The following EDARADD variants were observed in gnomAD, a reference collection of about 807,000 sequenced individuals.
EDARADD encodes the protein ectodysplasin-A receptor-associated adapter protein.
A neutral mutation model predicts 25.6 loss-of-function variants in EDARADD; 20 were observed. The ratio of observed to expected loss-of-function variants is 0.78; its 90% CI spans 0.55 to 1.14. The LOEUF (loss-of-function observed/expected upper bound fraction) is 1.14. Ranked by LOEUF, EDARADD falls within the 50% of genes most tolerant of loss-of-function variation. The probability of loss-of-function intolerance (pLI) is 0.00; values close to 1 mark genes in which losing one functional copy is unlikely to be tolerated. For missense variants in EDARADD, 225 were observed against 270.1 expected, an observed-to-expected ratio of 0.83 and a Z score of 1.17; for synonymous variants, 86 against 94.4, an observed-to-expected ratio of 0.91 and a Z score of 0.52.
intron 3 of EDARADD, among the ~76,000 whole-genome samples, chr1:236,377,663 T>A (rs1354022217): frequency 6.6e-6 from 1 of 150,982 alleles, no homozygotes; most frequent in Non-Finnish European, 1.5e-5. Flanking sequence ...ATCGAGACCA[T>A]CCTGGCCAAC....
chr1:236,474,992 G>A (rs1659463403), intron 5 of EDARADD, among the ~76,000 whole-genome samples: 1 of 152,128 alleles, frequency 6.6e-6, no homozygotes, highest in Non-Finnish European at 1.5e-5. Context: ...AATTAGCCAG[G>A]TGTGGTGGCA....
intron 4 of EDARADD, among the ~76,000 whole-genome samples, chr1:236,462,855 C>T (rs1231657260): frequency 1.3e-5 from 2 of 152,170 alleles, no homozygotes; most frequent in South Asian, 2.1e-4. Flanking sequence ...GAATATAAAA[C>T]ATAGGTGTTC....
chr1:236,464,485 T>C (rs1385406690), intron 4 of EDARADD, among the ~76,000 whole-genome samples: 1 of 133,812 alleles, frequency 7.5e-6, no homozygotes, highest in Admixed American at 9.0e-5. Flanking sequence ...CAGGCTGGAG[T>C]GCAGTGGTGT....
intron 3 of EDARADD, among the ~76,000 whole-genome samples, chr1:236,363,006 A>AAAATAT (rs1377112051): frequency 2.3e-5 from 1 of 42,948 alleles, no homozygotes; most frequent in Non-Finnish European, 3.8e-5. Context: ...AAAAAAAAAA[A>AAAATAT]ATATATATAT....
intron 2 of EDARADD, among the ~76,000 whole-genome samples, chr1:236,410,745 A>G (rs1018035471): frequency 6.6e-6 from 1 of 152,242 alleles, no homozygotes; most frequent in Admixed American, 6.5e-5. Context: ...ACAGCGACAC[A>G]GAATACACTT....
rs1422827481 is a variant in EDARADD at position 236,431,781 on chromosome 1, C to T, written c.219+4331C>T. ...CTAAAAATACAAAAAATTAGCCGGG[C>T]GCGGTGGCGGGCGCCTGTAGTCCCA... On this transcript the variant is annotated intron_variant, in intron 4 of 5. Transcript: ENST00000334232. Among the ~76,000 whole-genome samples the T allele has an allele frequency of 4.8e-5, 5 of 103,950 alleles. 2 individuals carry two copies. The East Asian group carries it at 6.6e-4, about 14-fold the overall frequency. 68.2% of individuals were successfully genotyped at this position (103,950 alleles called of 152,430 possible).
At chr1:236,414,486 C>A (rs2103010448) in intron 3 of EDARADD, among the ~76,000 whole-genome samples, 187 bp downstream of exon 3, 1 of 152,200 alleles carries the variant, frequency 6.6e-6, no homozygotes, top group South Asian at 2.1e-4. Context: ...ATCTTTTAAC[C>A]TTGCAATAGA....
In EDARADD at chr1:236,482,776, C is replaced by A; in HGVS notation, c.*127C>A. ...TGGAACAGTGGACACTGGTTTTCCC[C>A]AAAGCTGGCAGTTTTGTGGAGGGGT... On this transcript the variant is annotated 3_prime_UTR_variant, in exon 6 of 6. Coordinates refer to ENST00000334232, the MANE Select transcript of EDARADD (RefSeq NM_145861.4). 7.0e-7 allele frequency: 1 copy of A among 1,421,496 alleles called. No homozygotes were observed. The highest frequency in any genetic ancestry group is 9.7e-7 in the Non-Finnish European group (1 of 1,035,008). 88.1% of individuals were successfully genotyped at this position (1,421,496 alleles called of 1,614,324 possible).
At chr1:236,405,808 CT>C (rs1667710057) in intron 1 of EDARADD, among the ~76,000 whole-genome samples, 1 of 125,608 alleles carries the variant, frequency 8.0e-6, no homozygotes, top group Non-Finnish European at 1.6e-5. Context: ...TTCTTTCTTT[CT>C]TTCCTTCCTT....
In EDARADD at chr1:236,484,289, G is replaced by A. The variant is rs1571965416; in HGVS notation, c.*1640G>A. On this transcript the variant is annotated 3_prime_UTR_variant, in exon 6 of 6. Coordinates refer to ENST00000334232, the MANE Select transcript of EDARADD (RefSeq NM_145861.4). The surrounding 1 kb of genome is among the most constrained non-coding windows in gnomAD (Gnocchi z 4.1). ...TCATGGTGCCTCATCATTCTGGGGA[G>A]ACTGAAAATACCTTCATCACTGACC... is the stretch of plus-strand genomic sequence containing the variant. 3 of 1,041,892 alleles carry A rather than the reference G, an allele frequency of 2.9e-6. No homozygotes were observed. The highest frequency in any genetic ancestry group is 4.6e-6 in the Non-Finnish European group (3 of 659,116). The allele number at this position is 1,041,892 out of a possible 1,614,324, so 64.5% of individuals were successfully genotyped here. A position where few individuals can be genotyped will look rare whatever the true frequency, so the allele number is the denominator to read the frequency against.
upstream of EDARADD, among the ~76,000 whole-genome samples, chr1:236,393,612 G>GCCTCGAACTCCTGA (rs1667462248): frequency 6.6e-6 from 1 of 151,840 alleles, no homozygotes; most frequent in Admixed American, 6.6e-5. Context: ...GGCCAGGCTG[G>GCCTCGAACTCCTGA]CCTCGAACTC....
chr1:236,386,121 A>G (rs1572119606), intron 3 of EDARADD, among the ~76,000 whole-genome samples: 1 of 33,516 alleles, frequency 3.0e-5, no homozygotes, highest in African/African-American at 8.4e-5. Flanking sequence ...CGCTGTGTTG[A>G]CCGGGCCGGT....
In EDARADD at chr1:236,453,278, CTT is replaced by C. The variant is rs71672500; in HGVS notation, c.220-14936_220-14935del. On this transcript the variant is annotated intron_variant, in intron 4 of 5. Transcript: ENST00000334232. ...AGTGGTCCCTTGAGATTCTTTTTTTCTTTTTTTTTTTTTTTTTTGAGATGGAG... is the reference window on the plus strand; with the variant it reads ...AGTGGTCCCTTGAGATTCTTTTTTTCTTTTTTTTTTTTTTTTGAGATGGAG... Among the ~76,000 whole-genome samples, 596 of 133,826 alleles carry C rather than the reference CTT, an allele frequency of 4.5e-3. 3 individuals carry two copies. The highest frequency in any genetic ancestry group is 0.015 in the African/African-American group (542 of 35,250). The allele number at this position is 133,826 out of a possible 152,430, so 87.8% of individuals were successfully genotyped here.
At chr1:236,409,132 A>G (rs1667790884) in intron 1 of EDARADD, 84 bp from the exon 2 acceptor site, 1 of 946,608 alleles carries the variant, frequency 1.1e-6, no homozygotes, top group African/African-American at 1.7e-5. Context: ...TTGCCTCTGT[A>G]TAGAGACAGT....
chr1:236,402,771 T>A (rs1667636271), intron 1 of EDARADD, among the ~76,000 whole-genome samples: 1 of 151,912 alleles, frequency 6.6e-6, no homozygotes, highest in Admixed American at 6.6e-5. Flanking sequence ...AGCCAGAAAG[T>A]CCCAGATACA....
intron 4 of EDARADD, among the ~76,000 whole-genome samples, chr1:236,466,115 G>A (rs1659178592): frequency 1.3e-5 from 2 of 152,098 alleles, no homozygotes; most frequent in South Asian, 2.1e-4. Flanking sequence ...TGTATCTCTC[G>A]ACAGTACCTG....
Position 236,427,594 on chromosome 1 carries a change from T to A in EDARADD, c.219+144T>A, listed in dbSNP as rs1156703372. 5.6e-6 allele frequency: 4 copies of A among 719,856 alleles called. No individual in the cohort carries two copies. The East Asian group carries it at 1.1e-4, about 19-fold the overall frequency. The allele number at this position is 719,856 out of a possible 1,614,324, so 44.6% of individuals were successfully genotyped here. ...AGGGTTTGCAAATGGTCTCTAAGCA[T>A]CCCAGTAAGGTAGCATATCTTTAGA... is the stretch of plus-strand genomic sequence containing the variant. On this transcript the variant is annotated intron_variant, in intron 4 of 5. Coordinates refer to ENST00000334232, the MANE Select transcript of EDARADD (RefSeq NM_145861.4).
At chr1:236,416,221 G>A (rs1011331176) in intron 3 of EDARADD, among the ~76,000 whole-genome samples, 1 of 152,192 alleles carries the variant, frequency 6.6e-6, no homozygotes, top group Non-Finnish European at 1.5e-5. Context: ...CAGGGTGCTG[G>A]TGAGAATTCA....
intron 2 of EDARADD, among the ~76,000 whole-genome samples, chr1:236,412,176 G>T (rs953069134): frequency 5.9e-5 from 9 of 152,126 alleles, no homozygotes; most frequent in African/African-American, 1.7e-4. Flanking sequence ...CCCTCCCAGG[G>T]TAGCAATAAT....
Sources: gnomAD v4.1 joint callset for allele counts (sites outside exome capture counted in the v4.1 genomes callset) on GRCh38, gnomAD v4.1.1 for gene constraint, Gnocchi (gnomAD v3.1) non-coding constraint, MANE v1.5 for transcripts, NCBI Gene and HGNC (gene_info 2026-07-23, HGNC 2026-07-21) for gene names.